Variants in ZNF620 observed in about 807,000 individuals in gnomAD.
ZNF620 encodes zinc finger protein 620.
A neutral mutation model predicts 13.3 loss-of-function variants in ZNF620; 10 were observed. The ratio of observed to expected loss-of-function variants is 0.75; its 90% CI spans 0.46 to 1.28. The LOEUF (loss-of-function observed/expected upper bound fraction) is 1.28. Among genes scored for constraint, ZNF620 ranks in the 50% most tolerant of loss-of-function variants. ZNF620 has a pLI of 0.00. For synonymous variants in ZNF620, 166 were observed against 177.6 expected, an observed-to-expected ratio of 0.93 and a Z score of 0.52; for missense variants, 461 against 500.2, an observed-to-expected ratio of 0.92 and a Z score of 0.75.
chr3:40,517,766 G>A lies in ZNF620; in HGVS notation c.*903G>A, dbSNP rs2125667244. On this transcript the variant is annotated 3_prime_UTR_variant, in exon 5 of 5. Transcript: ENST00000314529. Reference sequence around the variant, plus strand: ...TCATATGTGCAACACTACACAAGGAGTAAACCAGTAAATAAAAAGACAGAT... The same window carrying A: ...TCATATGTGCAACACTACACAAGGAATAAACCAGTAAATAAAAAGACAGAT... 1 of 152,288 alleles carries A rather than the reference G, an allele frequency of 6.6e-6. No individual in the cohort carries two copies. Among genetic ancestry groups the A allele is most frequent in the East Asian group, 1.9e-4 (1 of 5,188 alleles). 9.4% of individuals were successfully genotyped at this position (152,288 alleles called of 1,614,324 possible). A position where few individuals can be genotyped will look rare whatever the true frequency, so the allele number is the denominator to read the frequency against.
At chr3:40,509,553 A>G (rs185923495) in intron 2 of ZNF620, among the ~76,000 whole-genome samples, 1 of 152,126 alleles carries the variant, frequency 6.6e-6, no homozygotes, top group African/African-American at 2.4e-5. Flanking sequence ...TATTTTCCAT[A>G]GGATTAATGG....
At chr3:40,506,986 T>C (rs1015234403) in intron 2 of ZNF620, among the ~76,000 whole-genome samples, 6 of 152,162 alleles carry the variant, frequency 3.9e-5, no homozygotes, top group African/African-American at 1.4e-4. Flanking sequence ...AAATGTCCTT[T>C]ATCAGGCATT....
rs903249845 is a variant in ZNF620 at position 40,506,445 on chromosome 3, T to G, written c.24+69T>G. On this transcript the variant is annotated intron_variant, in intron 2 of 4. Transcript: ENST00000314529. ...AGAGAGAGCAGGTGTCACCTCTGCATTCAGATCTTGAGTTGTGTAGGCCAG... is the reference window on the plus strand; with the variant it reads ...AGAGAGAGCAGGTGTCACCTCTGCAGTCAGATCTTGAGTTGTGTAGGCCAG... The G allele has an allele frequency of 9.8e-6, 13 of 1,325,040 alleles. No individual in the cohort carries two copies. In the Admixed American group the frequency reaches 1.4e-4, roughly 15 times the overall value. 82.1% of individuals were successfully genotyped at this position (1,325,040 alleles called of 1,614,324 possible). A position where few individuals can be genotyped will look rare whatever the true frequency, so the allele number is the denominator to read the frequency against.
In ZNF620 at chr3:40,512,421, T is replaced by A; in HGVS notation, c.171T>A (p.Pro57=). 6.2e-7 allele frequency: 1 copy of A among 1,614,220 alleles called. No homozygotes were observed. Among genetic ancestry groups the A allele is most frequent in the Non-Finnish European group, 8.5e-7 (1 of 1,180,030 alleles). The change falls in exon 4 of 5, where the codon CCT becomes CCA. Residue 57 remains proline (P), a synonymous_variant. Transcript: ENST00000314529. ...VASLAFPFTT[P]VLVSQLEQGE... ...GGGCAGCATTCCCATTCACCACGCCTGTTCTGGTCTCCCAGCTGGAGCAAG... is the reference window on the plus strand; with the variant it reads ...GGGCAGCATTCCCATTCACCACGCCAGTTCTGGTCTCCCAGCTGGAGCAAG...
chr3:40,506,139 G>A lies in ZNF620; in HGVS notation c.-50+1G>A. The A allele has an allele frequency of 7.8e-6, 5 of 643,822 alleles. No homozygotes were observed. The highest frequency in any genetic ancestry group is 1.4e-5 in the Non-Finnish European group (5 of 359,074). The allele number at this position is 643,822 out of a possible 1,614,324, so 39.9% of individuals were successfully genotyped here. A position where few individuals can be genotyped will look rare whatever the true frequency, so the allele number is the denominator to read the frequency against. On this transcript the variant is annotated splice_donor_variant, in intron 1 of 4. Transcript: ENST00000314529. LOFTEE classifies it low-confidence loss of function (5UTR_SPLICE). ...CGAGCTGAAGAGGTTCGCGGTCCGG[G>A]TAACTGATTGGTTTTCCTGGGGCTT...
chr3:40,511,795 C>T (rs527852294), intron 3 of ZNF620, among the ~76,000 whole-genome samples, 199 bp downstream of exon 3: 3 of 152,178 alleles, frequency 2.0e-5, no homozygotes, highest in East Asian at 3.9e-4. Flanking sequence ...GATTCTTCTG[C>T]CTCAGCCTCC....
rs927080993 is a variant in ZNF620, at chr3:40,518,265, C to G, written c.*1402C>G. The G allele has an allele frequency of 6.6e-6, 1 of 152,304 alleles. No homozygotes were observed. The highest frequency in any genetic ancestry group is 6.5e-5 in the Admixed American group (1 of 15,300). The allele number at this position is 152,304 out of a possible 1,614,324, so 9.4% of individuals were successfully genotyped here. Reference sequence around the variant, plus strand: ...TAGTGATTAATAATACAGAGCCAGGCAGACTTTGGTTTGAGTCCAGGTGTT... The same window carrying G: ...TAGTGATTAATAATACAGAGCCAGGGAGACTTTGGTTTGAGTCCAGGTGTT... On this transcript the variant is annotated 3_prime_UTR_variant, in exon 5 of 5. Coordinates refer to ENST00000314529, the MANE Select transcript of ZNF620 (RefSeq NM_175888.4).
At chr3:40,507,092 T>G (rs914630569) in intron 2 of ZNF620, among the ~76,000 whole-genome samples, 2 of 126,070 alleles carry the variant, frequency 1.6e-5, no homozygotes, top group Non-Finnish European at 3.1e-5. Flanking sequence ...CCATATGGTT[T>G]TTTTTTTTTT....
intron 2 of ZNF620, among the ~76,000 whole-genome samples, chr3:40,508,409 A>C (rs1378170157): frequency 6.6e-6 from 1 of 152,110 alleles, no homozygotes; most frequent in Non-Finnish European, 1.5e-5. Context: ...ATTCAGTTCA[A>C]AATACTTTGT....
chr3:40,513,999 G>A (rs75740597), intron 4 of ZNF620, among the ~76,000 whole-genome samples: 3 of 152,000 alleles, frequency 2.0e-5, no homozygotes, highest in East Asian at 1.9e-4. Context: ...TAGCGGTAGC[G>A]CCAGTGCCTG....
chr3:40,510,562 C>T (rs1337125253), intron 2 of ZNF620, among the ~76,000 whole-genome samples: 1 of 152,194 alleles, frequency 6.6e-6, no homozygotes, highest in Non-Finnish European at 1.5e-5. Context: ...TTATAAACAA[C>T]AGTGCACATT....
Position 40,512,775 on chromosome 3 carries a change from C to G in ZNF620, c.265+260C>G, listed in dbSNP as rs113781654. 4.2e-3 allele frequency among the ~76,000 whole-genome samples: 643 copies of G among 152,280 alleles called. 7 individuals carry two copies. The highest frequency in any genetic ancestry group is 0.015 in the African/African-American group (608 of 41,542). On this transcript the variant is annotated intron_variant, in intron 4 of 4. Coordinates refer to ENST00000314529, the MANE Select transcript of ZNF620 (RefSeq NM_175888.4). The stretch of plus-strand genomic sequence containing the variant: ...CTCACAACCTGCCAAGGGAGACTGT[C>G]TGATTGGGCAGCACTTAAACCAGCT...
At chr3:40,515,781 T>C (rs1698352571) in intron 4 of ZNF620, 79 bp from the exon 5 acceptor site, 2 of 25,602 alleles carry the variant, frequency 7.8e-5, no homozygotes, top group East Asian at 5.6e-4. Flanking sequence ...GCACAGATAT[T>C]GTGTGTGTGT....
At chr3:40,510,783 C>G (rs1698169762) in intron 2 of ZNF620, among the ~76,000 whole-genome samples, 1 of 152,146 alleles carries the variant, frequency 6.6e-6, no homozygotes, top group Non-Finnish European at 1.5e-5. Flanking sequence ...GGGTCTCACT[C>G]TGTCACCCAG....
At position 40,517,983 on chromosome 3, in the gene ZNF620, G is replaced by C. The variant is rs1399793784; in HGVS notation, c.*1120G>C. 1 of 152,240 alleles carries C rather than the reference G, an allele frequency of 6.6e-6. No homozygotes were observed. Among genetic ancestry groups the C allele is most frequent in the African/African-American group, 2.4e-5 (1 of 41,464 alleles). 9.4% of individuals were successfully genotyped at this position (152,240 alleles called of 1,614,324 possible). A position where few individuals can be genotyped will look rare whatever the true frequency, so the allele number is the denominator to read the frequency against. On this transcript the variant is annotated 3_prime_UTR_variant, in exon 5 of 5. Coordinates refer to ENST00000314529, the MANE Select transcript of ZNF620 (RefSeq NM_175888.4). Reference sequence around the variant, plus strand: ...TGTCTTCACTAGACAGTTGTACTCTGTGCCTTTGCAAAAGTCAGGATGTAT... The same window carrying C: ...TGTCTTCACTAGACAGTTGTACTCTCTGCCTTTGCAAAAGTCAGGATGTAT...
intron 4 of ZNF620, among the ~76,000 whole-genome samples, chr3:40,515,409 T>A (rs1698341281): frequency 6.6e-6 from 1 of 152,238 alleles, no homozygotes; most frequent in Non-Finnish European, 1.5e-5. Flanking sequence ...TCTTAAGGAA[T>A]CTCAGCCTGT....
Position 40,511,457 on chromosome 3 carries a change from CTTG to C in ZNF620, c.25-7_25-5del. ...CCCTCACACAGGGTTTGAGCAGGAA[CTTG>C]TTGTTTTAGGAACCAGTGACCTTTG... On this transcript the variant is annotated splice_polypyrimidine_tract_variant and intron_variant, in intron 2 of 4. Coordinates refer to ENST00000314529, the MANE Select transcript of ZNF620 (RefSeq NM_175888.4). 6.2e-7 allele frequency: 1 copy of C among 1,611,886 alleles called. No homozygotes were observed. Among genetic ancestry groups the C allele is most frequent in the Non-Finnish European group, 8.5e-7 (1 of 1,178,646 alleles).
In ZNF620 at chr3:40,516,667, A is replaced by G. The variant is rs751194900; in HGVS notation, c.1073A>G (p.His358Arg). Residue 358 changes from histidine (H) to arginine (R), a missense_variant, in exon 5 of 5, where the codon CAC becomes CGC. By Grantham distance (29) the His-to-Arg change is conservative. Transcript: ENST00000314529. Reference protein sequence around the residue: ...NTALTQHQRIHTGEKPFECKE... With the variant: ...NTALTQHQRIRTGEKPFECKE... Reference sequence around the variant, plus strand: ...GCCTTGACTCAGCATCAGCGAATTCACACTGGGGAGAAGCCCTTTGAATGT... The same window carrying G: ...GCCTTGACTCAGCATCAGCGAATTCGCACTGGGGAGAAGCCCTTTGAATGT... 1.9e-6 allele frequency: 3 copies of G among 1,614,082 alleles called. No individual in the cohort carries two copies. The highest frequency in any genetic ancestry group is 2.5e-6 in the Non-Finnish European group (3 of 1,180,024).
chr3:40,516,391 C>G lies in ZNF620; in HGVS notation c.797C>G (p.Ala266Gly). 1 of 1,614,208 alleles carries G rather than the reference C, an allele frequency of 6.2e-7. No individual in the cohort carries two copies. The highest frequency in any genetic ancestry group is 1.1e-5 in the South Asian group (1 of 91,086). ...GGAAAAGGTTTAAGTTCAGACACAGCCTTGATTCAGCATCAGAGAATCCAC... is the reference window on the plus strand; with the variant it reads ...GGAAAAGGTTTAAGTTCAGACACAGGCTTGATTCAGCATCAGAGAATCCAC... ...ECGKGLSSDT[A>G]LIQHQRIHTG... Residue 266 changes from alanine to glycine, a missense_variant, in exon 5 of 5, where the codon GCC becomes GGC. Transcript: ENST00000314529.
Sources: gnomAD v4.1 joint callset for allele counts (sites outside exome capture counted in the v4.1 genomes callset) on GRCh38, gnomAD v4.1.1 for gene constraint, MANE v1.5 for transcripts, NCBI Gene and HGNC (gene_info 2026-07-23, HGNC 2026-07-21) for gene names.